CUL1: variants seen among roughly 807,000 people sequenced by gnomAD.
The protein encoded by CUL1 is cullin 1, also known as cullin-1.
A neutral mutation model predicts 118.0 loss-of-function variants in CUL1; 24 were observed. That is an observed-to-expected ratio of 0.20 (90% CI 0.15 to 0.29). The LOEUF (loss-of-function observed/expected upper bound fraction) is 0.29, where lower values mean the gene tolerates loss of function less well. Among genes scored for constraint, CUL1 ranks in the 10% least tolerant of loss-of-function variants. The pLI is 1.00. For missense variants in CUL1, 361 were observed against 933.8 expected (o/e 0.39, Z 7.99); for synonymous variants, 332 against 340.4 (o/e 0.98, Z 0.27).
At chr7:148,795,209 A>G (rs945240593) in intron 17 of CUL1, among the ~76,000 whole-genome samples, 3 of 151,818 alleles carry the variant, frequency 2.0e-5, no homozygotes, top group Non-Finnish European at 2.9e-5. Flanking sequence ...GCAATGGTGC[A>G]GTCATAGCTC....
intron 13 of CUL1, among the ~76,000 whole-genome samples, chr7:148,788,087 A>G (rs1800879937): frequency 6.6e-6 from 1 of 151,730 alleles, no homozygotes; most frequent in South Asian, 2.1e-4. Context: ...CTCACGTGTC[A>G]GAGAGAGAGT....
intron 1 of CUL1, among the ~76,000 whole-genome samples, chr7:148,705,904 A>G (rs1797865711): frequency 6.6e-6 from 1 of 152,168 alleles, no homozygotes; most frequent in Non-Finnish European, 1.5e-5. Flanking sequence ...TTTGCTTGCC[A>G]TTTTATCTTA....
chr7:148,796,547 T>C (rs1801206043), intron 17 of CUL1, among the ~76,000 whole-genome samples: 1 of 152,220 alleles, frequency 6.6e-6, no homozygotes, highest in Admixed American at 6.5e-5. Flanking sequence ...TATCTTCAGA[T>C]TCTAATAACA....
At chr7:148,729,629 C>T (rs1798691418) in intron 1 of CUL1, among the ~76,000 whole-genome samples, 1 of 152,092 alleles carries the variant, frequency 6.6e-6, no homozygotes, top group Admixed American at 6.5e-5. Flanking sequence ...TATCCTTTGC[C>T]CTTTTTTCTT....
chr7:148,740,140 C>T (rs1252089188), intron 2 of CUL1, among the ~76,000 whole-genome samples: 1 of 151,872 alleles, frequency 6.6e-6, no homozygotes, highest in East Asian at 1.9e-4. Flanking sequence ...GCAATCTCCA[C>T]CTCGCAGGTT....
intron 9 of CUL1, chr7:148,783,294 C>T: frequency 4.1e-6 from 4 of 982,068 alleles, no homozygotes; most frequent in Non-Finnish European, 4.8e-6. Context: ...CATCGCCACG[C>T]GGATCCGCGC....
chr7:148,782,847 C>T (rs78774112), intron 9 of CUL1, among the ~76,000 whole-genome samples: 1 of 19,934 alleles, frequency 5.0e-5, no homozygotes, highest in South Asian at 1.3e-3. Context: ...GGGCGTGCCG[C>T]GGCGCCTGGA....
intron 1 of CUL1, among the ~76,000 whole-genome samples, chr7:148,708,315 G>A (rs1320859847): frequency 1.3e-5 from 2 of 152,130 alleles, no homozygotes; most frequent in African/African-American, 4.8e-5. Context: ...GACCATATCC[G>A]ACATCTCTAT....
At chr7:148,797,413 A>G (rs997841141) in intron 17 of CUL1, among the ~76,000 whole-genome samples, 1 of 151,014 alleles carries the variant, frequency 6.6e-6, no homozygotes, top group Non-Finnish European at 1.5e-5. Flanking sequence ...AAAAAAAAAA[A>G]TGCTCATGGC....
intron 2 of CUL1, among the ~76,000 whole-genome samples, chr7:148,744,321 T>C (rs1799237881): frequency 6.6e-6 from 1 of 152,126 alleles, no homozygotes; most frequent in Admixed American, 6.6e-5. Flanking sequence ...TCTTTGTTCT[T>C]GCTTTCCACC....
chr7:148,723,760 G>C (rs1402009971), intron 1 of CUL1, among the ~76,000 whole-genome samples: 1 of 149,744 alleles, frequency 6.7e-6, no homozygotes, highest in Admixed American at 6.7e-5. Context: ...TCCCCAAAGA[G>C]CTAGAAGTCA....
intron 2 of CUL1, among the ~76,000 whole-genome samples, chr7:148,741,309 A>G (rs1799131818): frequency 6.6e-6 from 1 of 152,236 alleles, no homozygotes; most frequent in Non-Finnish European, 1.5e-5. Flanking sequence ...GTGTTTAACC[A>G]TTTGCAGAAC....
chr7:148,774,516 T>A (rs554521437), intron 9 of CUL1, among the ~76,000 whole-genome samples: 140 of 152,368 alleles, frequency 9.2e-4, no homozygotes, highest in African/African-American at 3.2e-3. Flanking sequence ...CCATTTTGAA[T>A]GTTTAACACA....
chr7:148,702,776 T>C (rs1442020887), intron 1 of CUL1, among the ~76,000 whole-genome samples: 1 of 152,324 alleles, frequency 6.6e-6, no homozygotes, highest in East Asian at 1.9e-4. Context: ...TCCCATGTTG[T>C]CCTGCCTATG....
chr7:148,792,093 G>A (rs1183558203), intron 16 of CUL1, among the ~76,000 whole-genome samples: 1 of 152,012 alleles, frequency 6.6e-6, no homozygotes, highest in Non-Finnish European at 1.5e-5. Flanking sequence ...GGCCAAGGCA[G>A]GAGAATCCCT....
chr7:148,786,874 C>G (rs1800832594), intron 12 of CUL1, 115 bp from the exon 13 acceptor site: 1 of 1,411,144 alleles, frequency 7.1e-7, no homozygotes, highest in African/African-American at 1.4e-5. Context: ...GCGTACAGAC[C>G]TGCCCAAAGC....
intron 1 of CUL1, among the ~76,000 whole-genome samples, chr7:148,706,907 G>C (rs1195180247): frequency 6.6e-6 from 1 of 152,156 alleles, no homozygotes; most frequent in Non-Finnish European, 1.5e-5. Flanking sequence ...TGTAAGGTAT[G>C]GGAATAGGAG....
chr7:148,796,767 C>A (rs567763455), intron 17 of CUL1, among the ~76,000 whole-genome samples: 1 of 152,288 alleles, frequency 6.6e-6, no homozygotes, highest in East Asian at 1.9e-4. Context: ...CTCCTTTCTG[C>A]CCACAGTAGA....
At chr7:148,744,865 A>G (rs1193079812) in intron 2 of CUL1, among the ~76,000 whole-genome samples, 1 of 152,192 alleles carries the variant, frequency 6.6e-6, no homozygotes, top group African/African-American at 2.4e-5. Flanking sequence ...TTCACTGGCT[A>G]TAGAACTACA....
Sources: allele counts gnomAD v4.1 joint callset (sites outside exome capture counted in the v4.1 genomes callset), GRCh38; gene constraint gnomAD v4.1.1; transcripts MANE v1.5; gene names NCBI Gene and HGNC (gene_info 2026-07-23, HGNC 2026-07-21).